The following SERINC2 variants were observed in gnomAD, a reference collection of about 807,000 sequenced individuals.
SERINC2 encodes the protein serine incorporator 2.
SERINC2 carries 56 observed loss-of-function variants against 54.2 expected under a neutral mutation model. The observed-to-expected ratio is 1.03, with a 90% CI of 0.83 to 1.29. The LOEUF is 1.29. SERINC2 is among the 50% of genes most tolerant of loss of function. The pLI is 0.00. For missense variants in SERINC2, 614 were observed against 607.4 expected (o/e 1.01, Z -0.12); for synonymous variants, 272 against 253.1 (o/e 1.07, Z -0.71).
intron 5 of SERINC2, among the ~76,000 whole-genome samples, chr1:31,426,383 G>A (rs1458868909): frequency 1.3e-5 from 2 of 152,292 alleles, no homozygotes; most frequent in African/African-American, 4.8e-5. Context: ...TCAACAGCCT[G>A]TACCTCGTTC....
chr1:31,433,334 C>G (rs1641378371), intron 9 of SERINC2, 149 bp downstream of exon 9: 1 of 658,552 alleles, frequency 1.5e-6, no homozygotes, highest in Non-Finnish European at 2.7e-6. Flanking sequence ...AGAGCCTGCC[C>G]CTTCCCTGCT....
chr1:31,428,310 G>T (rs1233414713), intron 6 of SERINC2, among the ~76,000 whole-genome samples: 1 of 152,228 alleles, frequency 6.6e-6, no homozygotes, highest in African/African-American at 2.4e-5. Context: ...AAAGCGCTGG[G>T]ATTACAGGCA....
chr1:31,434,206 C>G lies in SERINC2; in HGVS notation c.*7C>G. The G allele has an allele frequency of 6.2e-7, 1 of 1,611,430 alleles. No homozygotes were observed. Among genetic ancestry groups the G allele is most frequent in the Non-Finnish European group, 8.5e-7 (1 of 1,179,312 alleles). On this transcript the variant is annotated 3_prime_UTR_variant, in exon 10 of 10. Coordinates refer to ENST00000373709, the MANE Select transcript of SERINC2 (RefSeq NM_178865.5). Reference sequence around the variant, plus strand: ...CAACCGCGACTTCAGCTGAGGCAGCCTCACAGCCTGCCATCTGGTGCCTCC... The same window carrying G: ...CAACCGCGACTTCAGCTGAGGCAGCGTCACAGCCTGCCATCTGGTGCCTCC...
At chr1:31,410,305 T>C, upstream of SERINC2, 4 of 1,531,800 alleles carry the variant, frequency 2.6e-6, no homozygotes, top group Non-Finnish European at 3.5e-6. Flanking sequence ...GAAATGAAGC[T>C]CTTTATCCAT....
Position 31,428,965 on chromosome 1 carries a change from G to T in SERINC2, c.781-13G>T. ...TGGTCTGGCAGGGGTCTTACCAGGG[G>T]TCCTCTTGCCAGGACGCCCAGCCCA... On this transcript the variant is annotated splice_polypyrimidine_tract_variant and intron_variant, in intron 6 of 9. Coordinates refer to ENST00000373709, the MANE Select transcript of SERINC2 (RefSeq NM_178865.5). The T allele has an allele frequency of 6.2e-7, 1 of 1,611,672 alleles. No homozygotes were observed. Among genetic ancestry groups the T allele is most frequent in the Non-Finnish European group, 8.5e-7 (1 of 1,177,994 alleles).
At chr1:31,431,448 G>A (rs1641196035) in intron 8 of SERINC2, among the ~76,000 whole-genome samples, 1 of 152,036 alleles carries the variant, frequency 6.6e-6, no homozygotes, top group African/African-American at 2.4e-5. Flanking sequence ...TTACAGATAG[G>A]GAAACTGACA....
At chr1:31,415,495 G>A (rs782537795) in intron 1 of SERINC2, among the ~76,000 whole-genome samples, 11 of 152,246 alleles carry the variant, frequency 7.2e-5, no homozygotes, top group Non-Finnish European at 1.2e-4. Context: ...CACTCGCAGC[G>A]TGGAGCTGTC....
At chr1:31,424,957 C>A in intron 3 of SERINC2, 84 bp downstream of exon 3, 2 of 1,174,828 alleles carry the variant, frequency 1.7e-6, no homozygotes, top group Non-Finnish European at 2.4e-6. Flanking sequence ...ATCTGCAGAC[C>A]CTACCCACCA....
chr1:31,431,778 T>G (rs371194819), intron 8 of SERINC2, among the ~76,000 whole-genome samples: 575 of 9,928 alleles, frequency 0.058, 18 homozygotes, highest in African/African-American at 0.088. Flanking sequence ...AGAGGGTGAA[T>G]AGGGTGGATA....
In SERINC2 at chr1:31,414,352, C is replaced by T. The variant is rs1354821374; in HGVS notation, c.39+1048C>T. 20 of 1,282,672 alleles carry T rather than the reference C, an allele frequency of 1.6e-5. No individual in the cohort carries two copies. The African/African-American group carries it at 2.8e-4, about 18-fold the overall frequency. 79.5% of individuals were successfully genotyped at this position (1,282,672 alleles called of 1,614,324 possible). ...CCCCCTCTGGCCCCACACAAAGAGG[C>T]CCTGAGAGGGAGAAGGGGCTGCAGC... On this transcript the variant is annotated intron_variant, in intron 1 of 9. Transcript: ENST00000373709.
intron 1 of SERINC2, among the ~76,000 whole-genome samples, chr1:31,421,509 C>T (rs1345862458): frequency 6.6e-6 from 1 of 152,164 alleles, no homozygotes; most frequent in Non-Finnish European, 1.5e-5. Flanking sequence ...GTTTCGTTTC[C>T]AAAGCATTTT....
chr1:31,421,381 A>G (rs1259199945), intron 1 of SERINC2, among the ~76,000 whole-genome samples: 11 of 152,166 alleles, frequency 7.2e-5, no homozygotes, highest in Admixed American at 5.9e-4. Flanking sequence ...GGCTTTTCTT[A>G]TCCTCTCACC....
Position 31,429,426 on chromosome 1 carries a change from C to T in SERINC2, c.901C>T (p.Gln301Ter), listed in dbSNP as rs1553134102. ...GAAATGCAACCCCCATTTGCCAACC[C>T]AGCTGGGCAACGAGACAGTTGTGGC... ...EQKCNPHLPT[Q>*]LGNETVVAGP... Residue 301 changes from glutamine (Q) to a stop codon, truncating the protein, a stop_gained, in exon 8 of 10, where the codon CAG becomes TAG. Coordinates refer to ENST00000373709, the MANE Select transcript of SERINC2 (RefSeq NM_178865.5). LOFTEE classifies it high-confidence loss of function. 2 of 1,613,646 alleles carry T rather than the reference C, an allele frequency of 1.2e-6. No individual in the cohort carries two copies. The highest frequency in any genetic ancestry group is 1.7e-6 in the Non-Finnish European group (2 of 1,179,770).
intron 1 of SERINC2, chr1:31,415,753 G>C (rs1385623860): frequency 1.8e-5 from 8 of 438,014 alleles, no homozygotes; most frequent in Non-Finnish European, 2.4e-5. Flanking sequence ...CTGCACAGGA[G>C]TGAAGTTCTA....
At chr1:31,425,690 G>A (rs1427987648) in intron 4 of SERINC2, 86 bp from the exon 5 acceptor site, 97 of 1,485,508 alleles carry the variant, frequency 6.5e-5, no homozygotes, top group Non-Finnish European at 8.6e-5. Context: ...CAGTGTCCCC[G>A]GTGCAGGGTG....
At position 31,434,402 on chromosome 1, in the gene SERINC2, TC is replaced by T. The variant is rs1468379307; in HGVS notation, c.*209del. 3.5e-6 allele frequency: 2 copies of T among 564,564 alleles called. No homozygotes were observed. The highest frequency in any genetic ancestry group is 6.3e-6 in the Non-Finnish European group (2 of 319,664). The allele number at this position is 564,564 out of a possible 1,614,324, so 35.0% of individuals were successfully genotyped here. On this transcript the variant is annotated 3_prime_UTR_variant, in exon 10 of 10. Transcript: ENST00000373709. ...AGCATCAGGCTCCTGCAGAGCCCCATCCCCCCGCCACACCCACACGGTGGAG... is the reference window on the plus strand; with the variant it reads ...AGCATCAGGCTCCTGCAGAGCCCCATCCCCCGCCACACCCACACGGTGGAG...
At chr1:31,410,133 C>T, upstream of SERINC2, 1 of 1,412,180 alleles carries the variant, frequency 7.1e-7, no homozygotes, top group Non-Finnish European at 9.2e-7. Flanking sequence ...ATCCTGAATT[C>T]CAACCCTCCA....
chr1:31,431,778 T>TAGGGTGGTTAGGGTGGTTAGGGTGGAC (rs1557499711), intron 8 of SERINC2, among the ~76,000 whole-genome samples: 4 of 9,950 alleles, frequency 4.0e-4, no homozygotes, highest in African/African-American at 6.8e-4. Flanking sequence ...AGAGGGTGAA[T>TAGGGTGGTTAGGGTGGTTAGGGTGGAC]AGGGTGGATA....
chr1:31,431,587 C>T (rs1641202218), intron 8 of SERINC2, among the ~76,000 whole-genome samples: 1 of 152,242 alleles, frequency 6.6e-6, no homozygotes, highest in African/African-American at 2.4e-5. Context: ...GCTTCCACAC[C>T]CACAGCTCCC....
Sources: allele counts gnomAD v4.1 joint callset (sites outside exome capture counted in the v4.1 genomes callset), GRCh38; gene constraint gnomAD v4.1.1; transcripts MANE v1.5; gene names NCBI Gene and HGNC (gene_info 2026-07-23, HGNC 2026-07-21).